The following KCNIP4 variants were observed in gnomAD, a reference collection of about 807,000 sequenced individuals.
The protein encoded by KCNIP4 is potassium voltage-gated channel interacting protein 4.
A neutral mutation model predicts 34.0 loss-of-function variants in KCNIP4; 12 were observed. The ratio of observed to expected loss-of-function variants is 0.35; its 90% CI spans 0.23 to 0.57. The LOEUF (loss-of-function observed/expected upper bound fraction) is 0.57. KCNIP4 is among the 20% of genes least tolerant of loss of function. The pLI is 0.83. For synonymous variants in KCNIP4, 124 were observed against 102.2 expected (o/e 1.21, Z -1.29); for missense variants, 238 against 311.7 (o/e 0.76, Z 1.78).
At chr4:21,940,391 C>T (rs114388608) in intron 1 of KCNIP4, among the ~76,000 whole-genome samples, 2,035 of 152,228 alleles carry the variant, frequency 0.013, 39 homozygotes, top group African/African-American at 0.046. Flanking sequence ...AGTAATTTTG[C>T]TTTTAAATAT....
chr4:21,089,592 C>A (rs1746791887), intron 1 of KCNIP4, among the ~76,000 whole-genome samples: 1 of 152,154 alleles, frequency 6.6e-6, no homozygotes. Context: ...AACACCTTGA[C>A]TGAAAGACAC....
intron 1 of KCNIP4, among the ~76,000 whole-genome samples, chr4:21,204,176 T>TG (rs1756686970): frequency 8.8e-6 from 1 of 113,982 alleles, no homozygotes; most frequent in African/African-American, 5.5e-5. Context: ...CCACTCTTCC[T>TG]ATTTTTTTTT....
chr4:21,265,017 T>C (rs1028192453), intron 1 of KCNIP4, among the ~76,000 whole-genome samples: 3 of 152,070 alleles, frequency 2.0e-5, no homozygotes, highest in Non-Finnish European at 2.9e-5. Flanking sequence ...AAGAATTGCT[T>C]GAATCCAAAA....
At chr4:21,882,117 A>G (rs186520971) in intron 1 of KCNIP4, among the ~76,000 whole-genome samples, 1 of 152,306 alleles carries the variant, frequency 6.6e-6, no homozygotes, top group Admixed American at 6.5e-5. Context: ...TAAGTATATT[A>G]TGTATGTGAG....
chr4:20,736,274 A>G (rs1749606809), intron 5 of KCNIP4, among the ~76,000 whole-genome samples: 2 of 152,206 alleles, frequency 1.3e-5, no homozygotes, highest in South Asian at 2.1e-4. Flanking sequence ...CAGGGAAACA[A>G]TTTGAGTTTC....
At chr4:21,792,677 G>C (rs1228009435) in intron 1 of KCNIP4, among the ~76,000 whole-genome samples, 1 of 152,192 alleles carries the variant, frequency 6.6e-6, no homozygotes, top group African/African-American at 2.4e-5. Flanking sequence ...GAGGCCAGCA[G>C]ACAGAAAAGC....
At chr4:21,445,500 C>T (rs1727902621) in intron 1 of KCNIP4, among the ~76,000 whole-genome samples, 1 of 152,110 alleles carries the variant, frequency 6.6e-6, no homozygotes, top group Admixed American at 6.5e-5. Flanking sequence ...CTTTGACAAA[C>T]CTGACAAAAA....
At chr4:21,725,022 T>C (rs1346310535) in intron 1 of KCNIP4, among the ~76,000 whole-genome samples, 10 of 152,144 alleles carry the variant, frequency 6.6e-5, no homozygotes. Flanking sequence ...TCCTGTGAGA[T>C]GTCAAAATAT....
chr4:21,552,080 T>G (rs1455885335), intron 1 of KCNIP4, among the ~76,000 whole-genome samples: 2 of 151,578 alleles, frequency 1.3e-5, no homozygotes, highest in Non-Finnish European at 2.9e-5. Context: ...AAAAAACCTT[T>G]GTGTTACAAT....
intron 1 of KCNIP4, among the ~76,000 whole-genome samples, chr4:21,497,551 C>T (rs1425321230): frequency 6.6e-6 from 1 of 152,076 alleles, no homozygotes; most frequent in Non-Finnish European, 1.5e-5. Context: ...AGTTTTTAAA[C>T]CTGTATTTTC....
chr4:20,760,874 G>T (rs1197185355), intron 3 of KCNIP4, among the ~76,000 whole-genome samples: 1 of 152,188 alleles, frequency 6.6e-6, no homozygotes, highest in Non-Finnish European at 1.5e-5. Context: ...AACTGTGATG[G>T]TTGATTTTAT....
chr4:21,935,472 A>G (rs1460781188), intron 1 of KCNIP4, among the ~76,000 whole-genome samples: 2 of 151,926 alleles, frequency 1.3e-5, no homozygotes, highest in African/African-American at 4.8e-5. Context: ...TGCTGTCCCT[A>G]CACATTTATT....
intron 1 of KCNIP4, among the ~76,000 whole-genome samples, chr4:21,257,762 A>AG (rs71655622): frequency 4.4e-4 from 47 of 106,600 alleles, no homozygotes; most frequent in South Asian, 6.3e-4. Flanking sequence ...AAAAAAAAAA[A>AG]AAAGAAAGAA....
chr4:21,450,469 C>T (rs1488791552), intron 1 of KCNIP4, among the ~76,000 whole-genome samples: 3 of 152,070 alleles, frequency 2.0e-5, no homozygotes, highest in South Asian at 2.1e-4. Context: ...TTAGACTTTC[C>T]GTAGGTAAAT....
At chr4:21,314,366 AG>A (rs1013016685) in intron 1 of KCNIP4, among the ~76,000 whole-genome samples, 6 of 152,214 alleles carry the variant, frequency 3.9e-5, no homozygotes, top group African/African-American at 1.4e-4. Flanking sequence ...AAATTATGGT[AG>A]CAATATCCTA....
intron 1 of KCNIP4, among the ~76,000 whole-genome samples, chr4:21,209,644 A>T (rs1323952574): frequency 1.3e-5 from 2 of 151,718 alleles, no homozygotes; most frequent in East Asian, 3.9e-4. Flanking sequence ...TCTATCTATC[A>T]TATCTGTATG....
At chr4:21,790,584 T>C (rs1166017530) in intron 1 of KCNIP4, among the ~76,000 whole-genome samples, 1 of 149,514 alleles carries the variant, frequency 6.7e-6, no homozygotes, top group Non-Finnish European at 1.5e-5. Flanking sequence ...TATTTGAATA[T>C]GAAATAGAAA....
At chr4:21,195,081 TC>T (rs1468478551) in intron 1 of KCNIP4, among the ~76,000 whole-genome samples, 1 of 152,144 alleles carries the variant, frequency 6.6e-6, no homozygotes, top group Non-Finnish European at 1.5e-5. Flanking sequence ...CTCTATATTC[TC>T]CTGGGAATCA....
intron 1 of KCNIP4, among the ~76,000 whole-genome samples, chr4:21,360,196 TAATAAA>T (rs1302865097): frequency 1.3e-5 from 2 of 152,148 alleles, no homozygotes; most frequent in African/African-American, 4.8e-5. Context: ...TAGAAAATGC[TAATAAA>T]AATAATCAAG....
Sources: allele counts gnomAD v4.1 joint callset (sites outside exome capture counted in the v4.1 genomes callset), GRCh38; gene constraint gnomAD v4.1.1; transcripts MANE v1.5; gene names NCBI Gene and HGNC (gene_info 2026-07-23, HGNC 2026-07-21).